Variants in PDIA6 observed in about 807,000 individuals in gnomAD.
PDIA6 encodes the protein protein disulfide isomerase family A member 6, also known as protein disulfide-isomerase A6.
Under a neutral mutation model 58.4 loss-of-function variants are expected in PDIA6, and 29 were observed. The ratio of observed to expected loss-of-function variants is 0.50; its 90% CI spans 0.37 to 0.68. The LOEUF is 0.68. PDIA6 is among the 30% of genes least tolerant of loss of function. PDIA6 has a pLI of 0.00. For missense variants in PDIA6, 480 were observed against 551.0 expected, an observed-to-expected ratio of 0.87 and a Z score of 1.29; for synonymous variants, 192 against 202.6, an observed-to-expected ratio of 0.95 and a Z score of 0.44.
chr2:10,801,089 G>T (rs1666492195), intron 2 of PDIA6, among the ~76,000 whole-genome samples: 1 of 152,152 alleles, frequency 6.6e-6, no homozygotes, highest in Non-Finnish European at 1.5e-5. Flanking sequence ...GACCAGCTTG[G>T]ACAACATGGT....
rs1667064420 is a variant in PDIA6, at chr2:10,812,762, G to T, written c.-66C>A. 8.9e-6 allele frequency: 12 copies of T among 1,354,890 alleles called. No homozygotes were observed. The highest frequency in any genetic ancestry group is 1.0e-5 in the Non-Finnish European group (11 of 1,053,032). 83.9% of individuals were successfully genotyped at this position (1,354,890 alleles called of 1,614,324 possible). ...GCTTCAGCCCTGCAGCGTGCCGCACGCCGCGCCCCCGCGCCCACGTCCCGC... is the reference window on the plus strand; with the variant it reads ...GCTTCAGCCCTGCAGCGTGCCGCACTCCGCGCCCCCGCGCCCACGTCCCGC... On this transcript the variant is annotated 5_prime_UTR_variant, in exon 1 of 13. Transcript: ENST00000272227.
At chr2:10,822,027 C>A (rs1667411476) in intron 1 of PDIA6, among the ~76,000 whole-genome samples, 1 of 151,510 alleles carries the variant, frequency 6.6e-6, no homozygotes, top group Non-Finnish European at 1.5e-5. Context: ...ACAGCCTCAA[C>A]CTCCTGGGCT....
intron 1 of PDIA6, chr2:10,810,392 C>T: frequency 6.8e-7 from 1 of 1,474,582 alleles, no homozygotes; most frequent in Non-Finnish European, 9.0e-7. Flanking sequence ...TAACGTCAGT[C>T]CTCTCCTCTT....
chr2:10,831,272 C>T (rs865955524), intron 1 of PDIA6, among the ~76,000 whole-genome samples: 5 of 152,298 alleles, frequency 3.3e-5, no homozygotes, highest in African/African-American at 4.8e-5. Context: ...GCCCTCCTCC[C>T]GGGCCCGTGC....
upstream of PDIA6, among the ~76,000 whole-genome samples, chr2:10,813,391 C>T (rs1304967504): frequency 2.0e-5 from 3 of 152,226 alleles, no homozygotes; most frequent in African/African-American, 4.8e-5. Context: ...GCGGTAGCCT[C>T]CTCGCTGACA....
At chr2:10,801,246 C>T (rs970970153) in intron 2 of PDIA6, among the ~76,000 whole-genome samples, 4 of 152,160 alleles carry the variant, frequency 2.6e-5, no homozygotes, top group African/African-American at 9.7e-5. Context: ...CTGCTGCACT[C>T]TAGCCTGGGA....
chr2:10,797,786 C>T (rs1666331913), intron 2 of PDIA6, 29 bp from the exon 3 acceptor site: 2 of 1,563,700 alleles, frequency 1.3e-6, no homozygotes, highest in Non-Finnish European at 1.7e-6. Context: ...ACAAAGCAAC[C>T]ATTAAAGCCT....
intron 1 of PDIA6, chr2:10,820,906 GAGAGTGAGCGTCCTA>G: frequency 1.4e-6 from 1 of 702,362 alleles, no homozygotes; most frequent in Non-Finnish European, 2.6e-6. Flanking sequence ...GCTGTGCTCT[GAGAGTGAGCGTCCTA>G]AGAGTCAGGA....
At chr2:10,824,452 G>A (rs1343241000) in intron 1 of PDIA6, among the ~76,000 whole-genome samples, 1 of 152,234 alleles carries the variant, frequency 6.6e-6, no homozygotes, top group Admixed American at 6.5e-5. Flanking sequence ...ACAGTTATTG[G>A]CTCAGGAAGG....
intron 1 of PDIA6, chr2:10,821,642 T>G (rs1238160136): frequency 6.6e-6 from 1 of 152,008 alleles, no homozygotes. Flanking sequence ...TTTTTTTTTT[T>G]GAGACAGGGT....
chr2:10,815,494 C>A (rs184171150), upstream of PDIA6: 1 of 152,152 alleles, frequency 6.6e-6, no homozygotes, highest in African/African-American at 2.4e-5. Context: ...GAGGGGGCTT[C>A]CAGTAAAAGC....
chr2:10,814,572 T>C (rs1196469186), upstream of PDIA6, among the ~76,000 whole-genome samples: 1 of 152,206 alleles, frequency 6.6e-6, no homozygotes, highest in Non-Finnish European at 1.5e-5. Flanking sequence ...ATTTGACACA[T>C]TTCCCCCCTT....
At position 10,788,907 on chromosome 2, in the gene PDIA6, G is replaced by C; in HGVS notation, c.915C>G (p.Ile305Met). The C allele has an allele frequency of 6.2e-7, 1 of 1,613,032 alleles. No homozygotes were observed. The highest frequency in any genetic ancestry group is 8.5e-7 in the Non-Finnish European group (1 of 1,178,990). ...QLCVVAVLPHILDTGAAGRNS... is the reference protein window; with the variant it reads ...QLCVVAVLPHMLDTGAAGRNS... The stretch of plus-strand genomic sequence containing the variant: ...TTCCGTCTGTCTTACCAGTATCAAG[G>C]ATATGGGGCAGCACAGCCACAACAC... Residue 305 changes from isoleucine to methionine, a missense_variant, in exon 9 of 13, where the codon ATC becomes ATG. Coordinates refer to ENST00000272227, the MANE Select transcript of PDIA6 (RefSeq NM_005742.4).
intron 1 of PDIA6, among the ~76,000 whole-genome samples, chr2:10,803,911 G>GTTTTGTTTT (rs1553339552): frequency 8.5e-6 from 1 of 117,892 alleles, no homozygotes; most frequent in African/African-American, 2.9e-5. Flanking sequence ...TAGTTTTTGT[G>GTTTTGTTTT]TTTTTTTTTT....
chr2:10,788,331 G>C (rs1200513964), intron 10 of PDIA6, among the ~76,000 whole-genome samples: 1 of 152,060 alleles, frequency 6.6e-6, no homozygotes, highest in African/African-American at 2.4e-5. Context: ...TTCCTCCCAT[G>C]ATAAAGTTTT....
rs1349185260 is a variant in PDIA6 at position 10,797,156 on chromosome 2, C to T, written c.271G>A (p.Gly91Ser). The T allele has an allele frequency of 6.2e-7, 1 of 1,611,916 alleles. No homozygotes were observed. The highest frequency in any genetic ancestry group is 1.3e-5 in the African/African-American group (1 of 74,992). ...VDADKHHSLG[G>S]QYGVQGFPTI... ...GGAAATCCCTGAACACCATACTGAC[C>T]TCCTAGGGAATGATGCTTATCTGCA... is the stretch of plus-strand genomic sequence containing the variant. Residue 91 changes from glycine (G) to serine (S), a missense_variant, in exon 4 of 13, where the codon GGT becomes AGT. Gly to Ser is a moderately conservative substitution (Grantham distance 56). Coordinates refer to ENST00000272227, the MANE Select transcript of PDIA6 (RefSeq NM_005742.4).
At chr2:10,818,845 G>T (rs762094015) in intron 2 of PDIA6, among the ~76,000 whole-genome samples, 3 of 152,016 alleles carry the variant, frequency 2.0e-5, no homozygotes, top group Non-Finnish European at 2.9e-5. Context: ...TAAGTGTACA[G>T]TTCCATGGCA....
intron 7 of PDIA6, 60 bp from the exon 8 acceptor site, chr2:10,789,949 C>T: frequency 6.8e-7 from 1 of 1,461,118 alleles, no homozygotes; most frequent in Non-Finnish European, 9.4e-7. Context: ...ATAACACAAT[C>T]TTTACAGTTT....
At position 10,797,105 on chromosome 2, in the gene PDIA6, T is replaced by G. The variant is rs1426884479; in HGVS notation, c.322A>C (p.Lys108Gln). The G allele has an allele frequency of 6.2e-7, 1 of 1,613,728 alleles. No individual in the cohort carries two copies. The highest frequency in any genetic ancestry group is 8.5e-7 in the Non-Finnish European group (1 of 1,179,692). Reference sequence around the variant, plus strand: ...CCTTGGTAATCTTCTGGTCTGTTTTTGTTGGATCCAAAAATCTTAATGGTA... The same window carrying G: ...CCTTGGTAATCTTCTGGTCTGTTTTGGTTGGATCCAAAAATCTTAATGGTA... The part of the protein sequence containing the change: ...FPTIKIFGSN[K>Q]NRPEDYQGGR... Residue 108 changes from lysine (K) to glutamine (Q), a missense_variant, in exon 4 of 13, where the codon AAA becomes CAA. Lys to Gln is a moderately conservative substitution (Grantham distance 53). Coordinates refer to ENST00000272227, the MANE Select transcript of PDIA6 (RefSeq NM_005742.4).
Sources: allele counts gnomAD v4.1 joint callset (sites outside exome capture counted in the v4.1 genomes callset), GRCh38; gene constraint gnomAD v4.1.1; transcripts MANE v1.5; gene names NCBI Gene and HGNC (gene_info 2026-07-23, HGNC 2026-07-21).